The following GPA33 variants were observed in gnomAD, a reference collection of about 807,000 sequenced individuals.
GPA33 encodes the protein glycoprotein A33.
In GPA33, 27 loss-of-function variants were observed where a neutral mutation model predicts 35.6. That is an observed-to-expected ratio of 0.76 (90% CI 0.56 to 1.04). The LOEUF is 1.04. GPA33 is among the 50% of genes least tolerant of loss of function. The pLI is 0.00. For synonymous variants in GPA33, 176 were observed against 164.0 expected, an observed-to-expected ratio of 1.07 and a Z score of -0.56; for missense variants, 428 against 411.9, an observed-to-expected ratio of 1.04 and a Z score of -0.34.
chr1:167,055,461 G>A (rs1238044403), intron 5 of GPA33, among the ~76,000 whole-genome samples: 1 of 152,188 alleles, frequency 6.6e-6, no homozygotes, highest in Non-Finnish European at 1.5e-5. Flanking sequence ...CCACCGAGTG[G>A]TTCCTAGGCA....
At chr1:167,068,796 A>G in intron 3 of GPA33, 126 bp downstream of exon 3, 1 of 657,744 alleles carries the variant, frequency 1.5e-6, no homozygotes, top group African/African-American at 1.8e-5. Context: ...GACAGCCTGG[A>G]CGAGGTGAGG....
chr1:167,089,158 C>G (rs1260621542), intron 1 of GPA33, among the ~76,000 whole-genome samples: 1 of 152,216 alleles, frequency 6.6e-6, no homozygotes, highest in Non-Finnish European at 1.5e-5. Flanking sequence ...CCTTCCCCAG[C>G]AGCAGGCTGC....
intron 1 of GPA33, among the ~76,000 whole-genome samples, chr1:167,087,133 C>A (rs6427057): frequency 0.4 from 60,044 of 151,918 alleles, 12,444 homozygotes; most frequent in East Asian, 0.72. Context: ...GAGGGGGCAG[C>A]GCATGGCGGC....
intron 1 of GPA33, among the ~76,000 whole-genome samples, chr1:167,080,616 C>G (rs1465893166): frequency 6.6e-6 from 1 of 152,220 alleles, no homozygotes; most frequent in Non-Finnish European, 1.5e-5. Context: ...ATTAACTTCT[C>G]TGGGCTTCAG....
At chr1:167,058,215 A>T (rs537646886) in intron 4 of GPA33, 25 of 152,324 alleles carry the variant, frequency 1.6e-4, no homozygotes, top group African/African-American at 4.8e-4. Context: ...AATATGTATA[A>T]AAATAAAATT....
intron 1 of GPA33, among the ~76,000 whole-genome samples, chr1:167,082,942 C>T (rs1666980660): frequency 6.6e-6 from 1 of 152,212 alleles, no homozygotes; most frequent in South Asian, 2.1e-4. Flanking sequence ...GTTGGTGCCC[C>T]AGGCAGAAAG....
In GPA33 at chr1:167,057,374, C is replaced by G. The variant is rs115624316; in HGVS notation, c.572-1525G>C. Among the ~76,000 whole-genome samples, 1,410 of 151,988 alleles carry G rather than the reference C, an allele frequency of 9.3e-3. 24 individuals are homozygous for G. Among genetic ancestry groups the G allele is most frequent in the African/African-American group, 0.033 (1,358 of 41,258 alleles). On this transcript the variant is annotated intron_variant, in intron 4 of 6. Coordinates refer to ENST00000367868, the MANE Select transcript of GPA33 (RefSeq NM_005814.3). ...TGCTATTTTGAGAGGAGCTGGAGACCTACCTCCTCTAATTTTGCTGCAGAG... is the reference window on the plus strand; with the variant it reads ...TGCTATTTTGAGAGGAGCTGGAGACGTACCTCCTCTAATTTTGCTGCAGAG...
intron 4 of GPA33, among the ~76,000 whole-genome samples, chr1:167,057,456 G>A (rs532489741): frequency 3.9e-4 from 59 of 152,236 alleles, no homozygotes; most frequent in African/African-American, 1.4e-3. Flanking sequence ...CCTAAGAGAC[G>A]CTCTAAATTG....
chr1:167,064,182 G>A (rs553446243), intron 3 of GPA33, among the ~76,000 whole-genome samples: 2 of 152,320 alleles, frequency 1.3e-5, no homozygotes, highest in East Asian at 3.9e-4. Context: ...TACTCAGGAG[G>A]CTGAAGCAGG....
At position 167,078,742 on chromosome 1, in the gene GPA33, A is replaced by C. The variant is rs369444427; in HGVS notation, c.44-5203T>G. 1.6e-4 allele frequency: 24 copies of C among 152,380 alleles called. 1 individual carries two copies. Among genetic ancestry groups the C allele is most frequent in the African/African-American group, 5.3e-4 (22 of 41,586 alleles). The allele number at this position is 152,380 out of a possible 1,614,324, so 9.4% of individuals were successfully genotyped here. ...CATAGAATTTGAATGCACAGATTCT[A>C]GAACTAGAATGCCCCTGTTGGAACT... On this transcript the variant is annotated intron_variant, in intron 1 of 6. Transcript: ENST00000367868.
intron 1 of GPA33, among the ~76,000 whole-genome samples, chr1:167,083,038 C>T (rs989772881): frequency 6.6e-6 from 1 of 152,124 alleles, no homozygotes; most frequent in Non-Finnish European, 1.5e-5. Context: ...GTGCTGCCAA[C>T]CCGGGGTGGC....
intron 1 of GPA33, among the ~76,000 whole-genome samples, chr1:167,076,437 T>G (rs1666825054): frequency 6.6e-6 from 1 of 152,068 alleles, no homozygotes; most frequent in Non-Finnish European, 1.5e-5. Flanking sequence ...AGAAGGAAAA[T>G]GTCCTGCTGA....
intron 6 of GPA33, 141 bp downstream of exon 6, chr1:167,054,835 G>T (rs975561431): frequency 2.1e-6 from 2 of 950,072 alleles, no homozygotes; most frequent in Non-Finnish European, 3.2e-6. Context: ...TTATGGCTTG[G>T]ACAGGTCATT....
chr1:167,056,712 G>GCA (rs1666286979), intron 4 of GPA33, among the ~76,000 whole-genome samples: 1 of 1,272 alleles, frequency 7.9e-4, no homozygotes, highest in Admixed American at 8.8e-3. Context: ...TGTGTGTAGT[G>GCA]TGTGTGTAGT....
In GPA33 at chr1:167,069,057, T is replaced by C. The variant is rs1666661097; in HGVS notation, c.280A>G (p.Asn94Asp). ...ATGGAGGCATCGGACTGCTCAGCAT[T>C]GTTGGATATGCTGACGCGATTCTTA... ...LYKNRVSISNNAEQSDASITI... is the reference protein window; with the variant it reads ...LYKNRVSISNDAEQSDASITI... Residue 94 changes from asparagine (N) to aspartate (D), a missense_variant, in exon 3 of 7, where the codon AAT becomes GAT. By Grantham distance (23) the Asn-to-Asp change is conservative. Coordinates refer to ENST00000367868, the MANE Select transcript of GPA33 (RefSeq NM_005814.3). 1 of 1,613,500 alleles carries C rather than the reference T, an allele frequency of 6.2e-7. No homozygotes were observed. Among genetic ancestry groups the C allele is most frequent in the Non-Finnish European group, 8.5e-7 (1 of 1,179,434 alleles).
chr1:167,060,571 T>A (rs1666417057), intron 4 of GPA33, among the ~76,000 whole-genome samples: 1 of 152,176 alleles, frequency 6.6e-6, no homozygotes, highest in Non-Finnish European at 1.5e-5. Flanking sequence ...TTTCACAAAT[T>A]AAAGCTTTCA....
intron 4 of GPA33, among the ~76,000 whole-genome samples, chr1:167,062,813 C>T (rs1571307144): frequency 6.6e-6 from 1 of 151,908 alleles, no homozygotes; most frequent in Non-Finnish European, 1.5e-5. Context: ...AGCCATAAAA[C>T]GGTGGTGTGT....
chr1:167,063,440 G>A, intron 4 of GPA33, 142 bp downstream of exon 4: 2 of 660,852 alleles, frequency 3.0e-6, no homozygotes, highest in Admixed American at 2.7e-5. Context: ...AGAGAGGTGG[G>A]GATAGGGGGA....
intron 1 of GPA33, chr1:167,082,318 C>A (rs1216487320): frequency 2.2e-6 from 1 of 456,178 alleles, no homozygotes; most frequent in Admixed American, 2.3e-5. Flanking sequence ...TGCTCTGCAA[C>A]AAACATACAG....
Sources: gnomAD v4.1 joint callset for allele counts (sites outside exome capture counted in the v4.1 genomes callset) on GRCh38, gnomAD v4.1.1 for gene constraint, MANE v1.5 for transcripts, NCBI Gene and HGNC (gene_info 2026-07-23, HGNC 2026-07-21) for gene names.